The following RIMS2 variants were observed in gnomAD, a reference collection of about 807,000 sequenced individuals.
The protein encoded by RIMS2 is regulating synaptic membrane exocytosis 2.
In RIMS2, 59 loss-of-function variants were observed where a neutral mutation model predicts 174.4. The ratio of observed to expected loss-of-function variants is 0.34; its 90% CI spans 0.27 to 0.42. RIMS2 has a LOEUF of 0.42. RIMS2 is among the 10% of genes least tolerant of loss of function. The pLI is 1.00. For missense variants in RIMS2, 1,620 were observed against 1,666.3 expected (o/e 0.97, Z 0.48); for synonymous variants, 606 against 572.5 (o/e 1.06, Z -0.84).
At chr8:104,170,772 G>A (rs1025053853) in intron 19 of RIMS2, among the ~76,000 whole-genome samples, 1 of 151,880 alleles carries the variant, frequency 6.6e-6, no homozygotes, top group African/African-American at 2.4e-5. Flanking sequence ...ATGATTTAAG[G>A]AAGTTCTCTT....
At chr8:104,115,236 G>T (rs116008660) in intron 19 of RIMS2, among the ~76,000 whole-genome samples, 5 of 151,976 alleles carry the variant, frequency 3.3e-5, no homozygotes, top group Non-Finnish European at 7.4e-5. Context: ...TCAATGAGGC[G>T]TTTTGTTCAT....
chr8:103,809,311 A>G (rs1352468374), intron 3 of RIMS2, among the ~76,000 whole-genome samples: 2 of 151,188 alleles, frequency 1.3e-5, no homozygotes, highest in African/African-American at 4.9e-5. Context: ...GAACTCCAAG[A>G]TTATTTCAAG....
chr8:103,745,254 T>C (rs1295944598), intron 2 of RIMS2, among the ~76,000 whole-genome samples: 1 of 152,214 alleles, frequency 6.6e-6, no homozygotes, highest in Non-Finnish European at 1.5e-5. Flanking sequence ...ACTGGACATT[T>C]CCTATTATGC....
chr8:103,679,609 A>G (rs981748266), intron 1 of RIMS2, among the ~76,000 whole-genome samples: 6 of 152,042 alleles, frequency 3.9e-5, no homozygotes, highest in African/African-American at 1.4e-4. Context: ...AAGAAGTTTC[A>G]TTATTTCACA....
At chr8:104,049,003 GA>G (rs780492464) in intron 19 of RIMS2, among the ~76,000 whole-genome samples, 9 of 151,866 alleles carry the variant, frequency 5.9e-5, no homozygotes, top group Non-Finnish European at 1.3e-4. Flanking sequence ...CCACTTCTAG[GA>G]TTATTTTTAA....
At chr8:103,532,686 G>A (rs544941090) in intron 1 of RIMS2, among the ~76,000 whole-genome samples, 1 of 152,336 alleles carries the variant, frequency 6.6e-6, no homozygotes. Context: ...GTGACCAAAT[G>A]TGGCACACTT....
intron 16 of RIMS2, among the ~76,000 whole-genome samples, chr8:103,985,626 A>G (rs2094303626): frequency 6.6e-6 from 1 of 151,938 alleles, no homozygotes; most frequent in South Asian, 2.1e-4. Flanking sequence ...TACACCTACT[A>G]TGTACTCACA....
chr8:103,965,281 A>G (rs571904286), intron 15 of RIMS2, among the ~76,000 whole-genome samples: 1 of 152,140 alleles, frequency 6.6e-6, no homozygotes, highest in East Asian at 1.9e-4. Context: ...GTATTCCTTT[A>G]TATGGAATAT....
chr8:104,167,935 A>G (rs189758811), intron 19 of RIMS2, among the ~76,000 whole-genome samples: 2 of 151,996 alleles, frequency 1.3e-5, no homozygotes, highest in Non-Finnish European at 2.9e-5. Context: ...TCTTTTCCCA[A>G]TTTATGTTTT....
intron 3 of RIMS2, among the ~76,000 whole-genome samples, chr8:103,852,861 A>G (rs968207972): frequency 6.6e-6 from 1 of 152,094 alleles, no homozygotes; most frequent in Admixed American, 6.6e-5. Context: ...CACCGCCACG[A>G]ACATGTGAGT....
chr8:103,521,989 GT>G (rs201897344), intron 1 of RIMS2, among the ~76,000 whole-genome samples: 10 of 151,692 alleles, frequency 6.6e-5, no homozygotes, highest in East Asian at 3.9e-4. Flanking sequence ...GGCTAGTAAT[GT>G]TTTTTTTCTT....
intron 1 of RIMS2, among the ~76,000 whole-genome samples, chr8:103,622,135 G>A (rs542459841): frequency 3.9e-5 from 6 of 152,156 alleles, no homozygotes; most frequent in Admixed American, 6.5e-5. Context: ...CTTTACAGAA[G>A]AGAAGACAAA....
At chr8:104,164,662 G>A (rs1014300085) in intron 19 of RIMS2, among the ~76,000 whole-genome samples, 2 of 152,154 alleles carry the variant, frequency 1.3e-5, no homozygotes, top group African/African-American at 4.8e-5. Flanking sequence ...GGATGTGGAT[G>A]GAGCTGGAGG....
At chr8:103,960,221 A>G (rs1444078731) in intron 14 of RIMS2, among the ~76,000 whole-genome samples, 2 of 152,252 alleles carry the variant, frequency 1.3e-5, no homozygotes, top group African/African-American at 4.8e-5. Context: ...ATAATTTCAT[A>G]TATAAGCGTG....
At chr8:103,719,906 C>T (rs2138375621) in intron 2 of RIMS2, among the ~76,000 whole-genome samples, 1 of 152,240 alleles carries the variant, frequency 6.6e-6, no homozygotes, top group South Asian at 2.1e-4. Flanking sequence ...AGAAAGGCAA[C>T]TTTAATGTGG....
chr8:103,920,608 C>T, intron 9 of RIMS2: 2 of 455,820 alleles, frequency 4.4e-6, no homozygotes, highest in Non-Finnish European at 4.4e-6. Flanking sequence ...TTCCACATAC[C>T]TGCTTTACAT....
chr8:103,805,575 G>C (rs1231447159), intron 3 of RIMS2, among the ~76,000 whole-genome samples: 1 of 152,100 alleles, frequency 6.6e-6, no homozygotes, highest in Non-Finnish European at 1.5e-5. Context: ...TGGTTTGAAG[G>C]TTATTAGTAG....
At chr8:104,166,967 T>C (rs2098802002) in intron 19 of RIMS2, among the ~76,000 whole-genome samples, 1 of 152,210 alleles carries the variant, frequency 6.6e-6, no homozygotes, top group Non-Finnish European at 1.5e-5. Context: ...TCATTCCGTT[T>C]TATGGCTGAG....
chr8:103,577,105 C>G (rs996727867), intron 1 of RIMS2, among the ~76,000 whole-genome samples: 1 of 152,166 alleles, frequency 6.6e-6, no homozygotes, highest in Admixed American at 6.5e-5. Context: ...AGCTTCTTCA[C>G]AGCAGAAGGA....
Sources: allele counts gnomAD v4.1 joint callset (sites outside exome capture counted in the v4.1 genomes callset), GRCh38; gene constraint gnomAD v4.1.1; transcripts MANE v1.5; gene names NCBI Gene and HGNC (gene_info 2026-07-23, HGNC 2026-07-21).